The following MACROD2 variants were observed in gnomAD, a reference collection of about 807,000 sequenced individuals.
MACROD2 encodes the protein ADP-ribose glycohydrolase MACROD2.
MACROD2 carries 36 observed loss-of-function variants against 70.4 expected under a neutral mutation model. The observed-to-expected ratio is 0.51, with a 90% CI of 0.39 to 0.68. MACROD2 has a LOEUF of 0.68. Ranked by LOEUF, MACROD2 falls within the 30% of genes least tolerant of loss-of-function variation. The pLI, the probability that MACROD2 is intolerant of heterozygous loss-of-function variation, is 0.00. For synonymous variants in MACROD2, 172 were observed against 178.8 expected (o/e 0.96, Z 0.30); for missense variants, 496 against 538.4 (o/e 0.92, Z 0.78).
chr20:14,960,920 T>C (rs1461983102), intron 5 of MACROD2, among the ~76,000 whole-genome samples: 4 of 152,182 alleles, frequency 2.6e-5, no homozygotes, highest in Non-Finnish European at 4.4e-5. Context: ...TCCGCTCACA[T>C]TTCTGCCCAC....
At chr20:14,899,903 G>T (rs2073875830) in intron 5 of MACROD2, among the ~76,000 whole-genome samples, 1 of 152,048 alleles carries the variant, frequency 6.6e-6, no homozygotes, top group Non-Finnish European at 1.5e-5. Context: ...AAATTTCAGG[G>T]CTCAAATTGA....
intron 5 of MACROD2, among the ~76,000 whole-genome samples, chr20:15,206,729 T>TTTTTTTTTGTTGTTG (rs1555792507): frequency 1.5e-5 from 1 of 67,122 alleles, no homozygotes; most frequent in Non-Finnish European, 2.9e-5. Context: ...ATGTTTTTTT[T>TTTTTTTTTGTTGTTG]TTTTTTTTTT....
chr20:14,048,004 A>AT (rs143046922), intron 2 of MACROD2, among the ~76,000 whole-genome samples: 25,965 of 147,728 alleles, frequency 0.18, 2,280 homozygotes, highest in Admixed American at 0.23. Flanking sequence ...TTGGCATTTG[A>AT]TTTTTTTTTC....
chr20:16,026,744 G>A (rs185543636), intron 15 of MACROD2, among the ~76,000 whole-genome samples: 45 of 152,240 alleles, frequency 3.0e-4, no homozygotes, highest in African/African-American at 9.9e-4. Flanking sequence ...TTTGAGGAAA[G>A]TGGCCCTTTT....
intron 8 of MACROD2, among the ~76,000 whole-genome samples, chr20:15,782,042 C>A (rs964288617): frequency 1.3e-5 from 2 of 151,974 alleles, no homozygotes; most frequent in Non-Finnish European, 2.9e-5. Flanking sequence ...GGCACTATAT[C>A]GAGTCGATGA....
chr20:15,502,913 C>T (rs1468794729), intron 8 of MACROD2, among the ~76,000 whole-genome samples: 1 of 152,140 alleles, frequency 6.6e-6, no homozygotes, highest in Non-Finnish European at 1.5e-5. Context: ...TATCATCTAT[C>T]ACATGACAAG....
rs530585235 is a variant in MACROD2, at chr20:15,582,101, G to A, written c.645+82254G>A. ...CATGCCACTGCACTCCAGCCTGGGC[G>A]ACAGTGCCAGACTCGGTCTCAAAAA... On this transcript the variant is annotated intron_variant, in intron 8 of 17. Transcript: ENST00000684519. Among the ~76,000 whole-genome samples the A allele has an allele frequency of 6.7e-5, 10 of 149,250 alleles. No individual in the cohort carries two copies. The East Asian group carries it at 9.8e-4, about 15-fold the overall frequency.
In MACROD2 at chr20:14,576,050, A is replaced by C. The variant is rs138220211; in HGVS notation, c.301+82542A>C. On this transcript the variant is annotated intron_variant, in intron 4 of 17. Transcript: ENST00000684519. ...TAGGTTCCTCATGTTTTGTAAAATA[A>C]TGATTTTTTCACAGGCACACGATCT... Among the ~76,000 whole-genome samples the C allele has an allele frequency of 6.2e-4, 94 of 152,280 alleles. 1 individual carries two copies. Among genetic ancestry groups the C allele is most frequent in the East Asian group, 6.2e-3 (32 of 5,188 alleles).
At chr20:14,221,548 G>C (rs1415878021) in intron 3 of MACROD2, among the ~76,000 whole-genome samples, 1 of 152,124 alleles carries the variant, frequency 6.6e-6, no homozygotes, top group East Asian at 1.9e-4. Context: ...AAAACCTAGG[G>C]AAAACTCCTG....
At chr20:15,754,065 G>A (rs1341358349) in intron 8 of MACROD2, among the ~76,000 whole-genome samples, 1 of 152,172 alleles carries the variant, frequency 6.6e-6, no homozygotes, top group African/African-American at 2.4e-5. Flanking sequence ...AATGACTCAT[G>A]TAATAGTTAC....
At chr20:15,007,558 C>A (rs1338880191) in intron 5 of MACROD2, among the ~76,000 whole-genome samples, 1 of 152,094 alleles carries the variant, frequency 6.6e-6, no homozygotes, top group Non-Finnish European at 1.5e-5. Flanking sequence ...GGTTCAGGTG[C>A]AGGAAACAGA....
chr20:15,824,342 A>G (rs958407907), intron 8 of MACROD2, among the ~76,000 whole-genome samples: 1 of 152,096 alleles, frequency 6.6e-6, no homozygotes, highest in Non-Finnish European at 1.5e-5. Flanking sequence ...GTGATATATA[A>G]TGCTATTTTA....
At chr20:14,171,232 C>G (rs910793002) in intron 3 of MACROD2, among the ~76,000 whole-genome samples, 1 of 152,134 alleles carries the variant, frequency 6.6e-6, no homozygotes, top group Admixed American at 6.5e-5. Flanking sequence ...TGGATCTTCT[C>G]TCTTCTTGGT....
chr20:14,905,430 A>C (rs191996172), intron 5 of MACROD2: 10 of 152,288 alleles, frequency 6.6e-5, no homozygotes, highest in Admixed American at 5.9e-4. Flanking sequence ...GTTGGACTTC[A>C]TTCTGTAAAC....
intron 2 of MACROD2, among the ~76,000 whole-genome samples, chr20:14,082,946 T>TG (rs1415200050): frequency 6.6e-6 from 1 of 152,128 alleles, no homozygotes; most frequent in Non-Finnish European, 1.5e-5. Flanking sequence ...TCCTTGTCAT[T>TG]GGGTCAGGTG....
chr20:14,331,526 A>C (rs2082839787), intron 3 of MACROD2, among the ~76,000 whole-genome samples: 1 of 152,130 alleles, frequency 6.6e-6, no homozygotes, highest in Admixed American at 6.6e-5. Flanking sequence ...ATTAAAATAA[A>C]AGGCAAAAAC....
intron 5 of MACROD2, among the ~76,000 whole-genome samples, chr20:14,997,408 G>C (rs1032063772): frequency 6.6e-5 from 10 of 152,208 alleles, no homozygotes; most frequent in African/African-American, 2.2e-4. Context: ...ATCAGTGGTA[G>C]CCAGGTAGTA....
At chr20:15,205,890 C>T (rs573039621) in intron 5 of MACROD2, among the ~76,000 whole-genome samples, 8 of 152,324 alleles carry the variant, frequency 5.3e-5, no homozygotes, top group African/African-American at 1.9e-4. Flanking sequence ...TGAGCTGAGA[C>T]ATATTGTTTT....
intron 5 of MACROD2, among the ~76,000 whole-genome samples, chr20:15,178,586 C>A (rs1043971670): frequency 6.6e-6 from 1 of 152,204 alleles, no homozygotes; most frequent in African/African-American, 2.4e-5. Flanking sequence ...TTTAACCTCC[C>A]TATCAATCCT....
Sources: gnomAD v4.1 joint callset for allele counts (sites outside exome capture counted in the v4.1 genomes callset) on GRCh38, gnomAD v4.1.1 for gene constraint, MANE v1.5 for transcripts, NCBI Gene and HGNC (gene_info 2026-07-23, HGNC 2026-07-21) for gene names.